The following AGAP1 variants were observed in gnomAD, a reference collection of about 807,000 sequenced individuals.
AGAP1 encodes arf-GAP with GTPase, ANK repeat and PH domain-containing protein 1.
A neutral mutation model predicts 105.3 loss-of-function variants in AGAP1; 29 were observed. That is an observed-to-expected ratio of 0.28 (90% CI 0.21 to 0.38). The LOEUF (loss-of-function observed/expected upper bound fraction) is 0.38. AGAP1 is among the 10% of genes least tolerant of loss of function. AGAP1 has a pLI of 1.00. For missense variants in AGAP1, 998 were observed against 1,165.1 expected (o/e 0.86, Z 2.09); for synonymous variants, 509 against 485.9 (o/e 1.05, Z -0.63).
Position 236,051,252 on chromosome 2 carries a change from C to T in AGAP1, c.2114+1971C>T, listed in dbSNP as rs1472538088. On this transcript the variant is annotated intron_variant, in intron 16 of 17. Coordinates refer to ENST00000304032, the MANE Select transcript of AGAP1 (RefSeq NM_001037131.3). This position sits in a 1 kb window ranked among gnomAD's most constrained non-coding sequence, Gnocchi z 5.9. The stretch of plus-strand genomic sequence containing the variant: ...TACGAGAACTGAATATTTCTTTGTG[C>T]CTGTAGTAATTTTCCTGGGGAGTTT... 6.6e-6 allele frequency among the ~76,000 whole-genome samples: 1 copy of T among 152,184 alleles called. No individual in the cohort carries two copies. The highest frequency in any genetic ancestry group is 1.9e-4 in the East Asian group (1 of 5,198).
rs557067281 is a variant in AGAP1, at chr2:235,973,381, G to T, written c.1645+4758G>T. On this transcript the variant is annotated intron_variant, in intron 13 of 17. Coordinates refer to ENST00000304032, the MANE Select transcript of AGAP1 (RefSeq NM_001037131.3). The surrounding 1 kb of genome is among the most constrained non-coding windows in gnomAD (Gnocchi z 4.7). Reference sequence around the variant, plus strand: ...CCTTATCTTTTTGTGTATATTTTGGGTTCTGAGGATTACCAGGAGATGTGT... The same window carrying T: ...CCTTATCTTTTTGTGTATATTTTGGTTTCTGAGGATTACCAGGAGATGTGT... Among the ~76,000 whole-genome samples the T allele has an allele frequency of 2.0e-5, 3 of 152,258 alleles. No homozygotes were observed. The East Asian group carries it at 5.8e-4, about 29-fold the overall frequency.
At chr2:235,498,159 C>T (rs545106128) in intron 1 of AGAP1, among the ~76,000 whole-genome samples, 1 of 152,328 alleles carries the variant, frequency 6.6e-6, no homozygotes, top group East Asian at 1.9e-4. Context: ...CCCACCAAGG[C>T]TCCCAAATAA....
intron 15 of AGAP1, among the ~76,000 whole-genome samples, chr2:236,043,968 C>A (rs1344065829): frequency 1.2e-4 from 18 of 152,004 alleles, no homozygotes; most frequent in Admixed American, 4.6e-4. Flanking sequence ...GTAACAGCTC[C>A]CTGACCCCCA....
intron 1 of AGAP1, among the ~76,000 whole-genome samples, chr2:235,501,423 A>C (rs1015388519): frequency 6.6e-6 from 1 of 152,156 alleles, no homozygotes. Context: ...TTTGTTACCA[A>C]TATTTCCAAG....
chr2:235,820,580 A>G (rs1271574266), intron 9 of AGAP1, among the ~76,000 whole-genome samples: 2 of 152,234 alleles, frequency 1.3e-5, no homozygotes, highest in African/African-American at 4.8e-5. Context: ...GTAATTGCCA[A>G]GTTTTTACCA....
intron 6 of AGAP1, among the ~76,000 whole-genome samples, chr2:235,791,943 T>G (rs1050857833): frequency 3.3e-5 from 5 of 152,162 alleles, no homozygotes; most frequent in African/African-American, 7.2e-5. Context: ...GCTGCATAAA[T>G]TTTGCTTTTA....
At chr2:235,534,377 A>G (rs1385201653) in intron 1 of AGAP1, among the ~76,000 whole-genome samples, 1 of 152,192 alleles carries the variant, frequency 6.6e-6, no homozygotes, top group East Asian at 1.9e-4. Context: ...TCCACTGTTT[A>G]AAAAGCAGCA....
chr2:235,972,426 C>T (rs576067269), intron 13 of AGAP1, among the ~76,000 whole-genome samples: 12 of 152,254 alleles, frequency 7.9e-5, no homozygotes, highest in Admixed American at 5.2e-4. Context: ...TGGGGCTCCC[C>T]GGCTGGTTCG....
chr2:235,928,375 A>G (rs1245853365), intron 11 of AGAP1, among the ~76,000 whole-genome samples: 3 of 152,216 alleles, frequency 2.0e-5, no homozygotes, highest in Non-Finnish European at 4.4e-5. Flanking sequence ...CAGGGCTGGC[A>G]GAAATGCACC....
Position 235,880,000 on chromosome 2 carries a change from T to C in AGAP1, c.1051-3345T>C, listed in dbSNP as rs1281850757. Among the ~76,000 whole-genome samples, 1 of 150,556 alleles carries C rather than the reference T, an allele frequency of 6.6e-6. No homozygotes were observed. Among genetic ancestry groups the C allele is most frequent in the African/African-American group, 2.4e-5 (1 of 40,848 alleles). On this transcript the variant is annotated intron_variant, in intron 9 of 17. Transcript: ENST00000304032. The surrounding 1 kb of genome is among the most constrained non-coding windows in gnomAD (Gnocchi z 5.0). ...ATGGCACACGCCTGTAGTCCCAAGCTACTCAGGAGGAAGGAGGGAGGATCA... is the reference window on the plus strand; with the variant it reads ...ATGGCACACGCCTGTAGTCCCAAGCCACTCAGGAGGAAGGAGGGAGGATCA...
intron 9 of AGAP1, among the ~76,000 whole-genome samples, chr2:235,815,243 ATC>A (rs1371408502): frequency 6.6e-6 from 1 of 152,100 alleles, no homozygotes; most frequent in Non-Finnish European, 1.5e-5. Context: ...GCACAAGTTG[ATC>A]TCTCGGTTCT....
chr2:236,021,495 G>A (rs976920212), intron 13 of AGAP1, among the ~76,000 whole-genome samples: 7 of 152,164 alleles, frequency 4.6e-5, no homozygotes, highest in Non-Finnish European at 8.8e-5. Flanking sequence ...AGGAGTCCGA[G>A]GGGACCTCTG....
chr2:235,596,050 C>T lies in AGAP1; in HGVS notation c.163+101201C>T, dbSNP rs1266613719. Among the ~76,000 whole-genome samples, 1 of 152,160 alleles carries T rather than the reference C, an allele frequency of 6.6e-6. No homozygotes were observed. The highest frequency in any genetic ancestry group is 1.5e-5 in the Non-Finnish European group (1 of 68,044). On this transcript the variant is annotated intron_variant, in intron 1 of 17. Coordinates refer to ENST00000304032, the MANE Select transcript of AGAP1 (RefSeq NM_001037131.3). The surrounding 1 kb of genome is among the most constrained non-coding windows in gnomAD (Gnocchi z 5.9). ...CTGGAAGTGGTTGTGAAAATCGCAG[C>T]CCTGTGAATTGTGTGCCCTAAGAGC... is the stretch of plus-strand genomic sequence containing the variant.
chr2:236,066,366 C>T (rs2058345395), intron 16 of AGAP1, among the ~76,000 whole-genome samples: 2 of 152,200 alleles, frequency 1.3e-5, no homozygotes, highest in Admixed American at 1.3e-4. Context: ...GTTGGGACTA[C>T]AGACACCTGC....
At chr2:235,909,011 C>T in intron 11 of AGAP1, 105 bp downstream of exon 11, 4 of 1,113,926 alleles carry the variant, frequency 3.6e-6, no homozygotes, top group East Asian at 2.4e-5. Flanking sequence ...CAGTAACTAT[C>T]ACATTACAGA....
At chr2:235,935,057 C>T (rs2052923327) in intron 12 of AGAP1, among the ~76,000 whole-genome samples, 1 of 152,102 alleles carries the variant, frequency 6.6e-6, no homozygotes, top group African/African-American at 2.4e-5. Context: ...GGAGGTGCTG[C>T]TTAAATTAAG....
Position 235,750,323 on chromosome 2 carries a change from T to C in AGAP1, c.539-31T>C, listed in dbSNP as rs77558625. On this transcript the variant is annotated intron_variant, in intron 5 of 17. Coordinates refer to ENST00000304032, the MANE Select transcript of AGAP1 (RefSeq NM_001037131.3). This position sits in a 1 kb window ranked among gnomAD's most constrained non-coding sequence, Gnocchi z 5.3. ...AAGTATTTAGAGCTGTCATTGTCAC[T>C]GTGCCGTTACTTTTTGGTCTTCTGT... 6.5e-3 allele frequency: 10,454 copies of C among 1,613,480 alleles called. 300 individuals are homozygous for C. In the African/African-American group the frequency reaches 0.069, roughly 11 times the overall value.
At position 236,055,447 on chromosome 2, in the gene AGAP1, C is replaced by T. The variant is rs1316653155; in HGVS notation, c.2114+6166C>T. The stretch of plus-strand genomic sequence containing the variant: ...CTTCCAATATAAATTATCATGTGAA[C>T]GCTGTGGTTTTTCTATTTGACAGGC... On this transcript the variant is annotated intron_variant, in intron 16 of 17. Coordinates refer to ENST00000304032, the MANE Select transcript of AGAP1 (RefSeq NM_001037131.3). This position sits in a 1 kb window ranked among gnomAD's most constrained non-coding sequence, Gnocchi z 6.2. 1.3e-5 allele frequency among the ~76,000 whole-genome samples: 2 copies of T among 152,218 alleles called. No individual in the cohort carries two copies. The highest frequency in any genetic ancestry group is 2.4e-5 in the African/African-American group (1 of 41,442).
At chr2:235,765,302 T>G (rs1954850135) in intron 6 of AGAP1, among the ~76,000 whole-genome samples, 1 of 144,316 alleles carries the variant, frequency 6.9e-6, no homozygotes, top group African/African-American at 2.6e-5. Context: ...GTCTGTGGGG[T>G]GGGCGTATCT....
Sources: allele counts gnomAD v4.1 joint callset (sites outside exome capture counted in the v4.1 genomes callset), GRCh38; gene constraint gnomAD v4.1.1; non-coding constraint Gnocchi (gnomAD v3.1); transcripts MANE v1.5; gene names NCBI Gene and HGNC (gene_info 2026-07-23, HGNC 2026-07-21).